Variants in EDNRB observed in about 807,000 individuals in gnomAD.
EDNRB encodes the protein endothelin receptor type B, also known as Hirschsprung disease 2.
EDNRB carries 18 observed loss-of-function variants against 46.4 expected under a neutral mutation model. The observed-to-expected ratio is 0.39, with a 90% confidence interval of 0.27 to 0.57. The LOEUF is 0.57. Ranked by LOEUF, EDNRB falls within the 20% of genes least tolerant of loss-of-function variation. The probability of loss-of-function intolerance (pLI) is 0.61; values close to 1 mark genes in which losing one functional copy is unlikely to be tolerated. For missense variants in EDNRB, 434 were observed against 537.5 expected, an observed-to-expected ratio of 0.81 and a Z score of 1.90; for synonymous variants, 213 against 204.9, an observed-to-expected ratio of 1.04 and a Z score of -0.34.
In EDNRB at chr13:77,905,115, A is replaced by G. The variant is rs573640569; in HGVS notation, c.484-1508T>C. ...TTAATGTAGGATCCTGAAGACCTAC[A>G]GGGCCAGGCAGGTAACACAGAGAAG... On this transcript the variant is annotated intron_variant, in intron 1 of 6. Transcript: ENST00000646607. Among the ~76,000 whole-genome samples, 72 of 152,068 alleles carry G rather than the reference A, an allele frequency of 4.7e-4. No individual in the cohort carries two copies. The Middle Eastern group carries it at 0.014, about 29-fold the overall frequency.
chr13:77,919,177 C>G, upstream of EDNRB: 2 of 586,618 alleles, frequency 3.4e-6, no homozygotes, highest in East Asian at 3.2e-5. Flanking sequence ...ATTCGGAAAC[C>G]CGCAGAGACT....
chr13:77,900,336 C>T (rs1329270017), intron 5 of EDNRB, among the ~76,000 whole-genome samples, 185 bp downstream of exon 5: 2 of 151,898 alleles, frequency 1.3e-5, no homozygotes, highest in Non-Finnish European at 2.9e-5. Flanking sequence ...TCTCTGTACC[C>T]AGTGTTCTTC....
chr13:77,926,870 G>A (rs948753870), intron 1 of EDNRB, among the ~76,000 whole-genome samples: 2 of 152,156 alleles, frequency 1.3e-5, no homozygotes, highest in Non-Finnish European at 2.9e-5. Context: ...TCAGAATCAG[G>A]GCAGGAGGCG....
chr13:77,937,634 G>T (rs980560834), intron 1 of EDNRB, among the ~76,000 whole-genome samples: 6 of 152,302 alleles, frequency 3.9e-5, no homozygotes, highest in Admixed American at 3.3e-4. Flanking sequence ...GGGCAGGTGG[G>T]GGAAGAGCTA....
chr13:77,911,304 C>T (rs1879558030), intron 1 of EDNRB, among the ~76,000 whole-genome samples: 1 of 152,068 alleles, frequency 6.6e-6, no homozygotes, highest in Admixed American at 6.6e-5. Flanking sequence ...TAAGTAACTT[C>T]ATGCCATACC....
At chr13:77,914,863 C>T (rs1273619301) in intron 1 of EDNRB, among the ~76,000 whole-genome samples, 1 of 152,180 alleles carries the variant, frequency 6.6e-6, no homozygotes, top group Non-Finnish European at 1.5e-5. Flanking sequence ...GTCAACTTTA[C>T]TGAACTCTAT....
intron 1 of EDNRB, chr13:77,939,636 C>G (rs1594386562): frequency 6.6e-6 from 1 of 152,186 alleles, no homozygotes; most frequent in South Asian, 2.1e-4. Context: ...ATTGTAAGCA[C>G]TCAACGAAAA....
intron 1 of EDNRB, among the ~76,000 whole-genome samples, chr13:77,953,661 G>A (rs1303444262): frequency 1.3e-5 from 2 of 152,194 alleles, no homozygotes; most frequent in African/African-American, 4.8e-5. Context: ...AATAGCATAT[G>A]TGTGTTTGAA....
At chr13:77,966,082 T>A (rs1881572372) in intron 1 of EDNRB, among the ~76,000 whole-genome samples, 1 of 151,996 alleles carries the variant, frequency 6.6e-6, no homozygotes, top group South Asian at 2.1e-4. Flanking sequence ...AGAGATAGAG[T>A]CTTGCTATGT....
intron 1 of EDNRB, among the ~76,000 whole-genome samples, chr13:77,973,384 A>G (rs1237970609): frequency 6.6e-6 from 1 of 152,198 alleles, no homozygotes; most frequent in Non-Finnish European, 1.5e-5. Context: ...CTATAAGGTA[A>G]GATTTTATAG....
At position 77,918,480 on chromosome 13, in the gene EDNRB, G is replaced by A. The variant is rs200723251; in HGVS notation, c.94C>T (p.Pro32Ser). 1.2e-5 allele frequency: 18 copies of A among 1,562,702 alleles called. No individual in the cohort carries two copies. The highest frequency in any genetic ancestry group is 1.9e-5 in the Admixed American group (1 of 51,416). The change falls in exon 1 of 7, where the codon CCG becomes TCG. Residue 32 changes from proline to serine, a missense_variant. Physicochemically the swap from Pro to Ser is moderately conservative, Grantham distance 74 (BLOSUM62 -1). Transcript: ENST00000646607. This position sits in a 1 kb window ranked among gnomAD's most constrained non-coding sequence, Gnocchi z 4.5. ...AAAAGCGGAGTGGCCCTGTCAGGCG[G>A]GAAGCCTCTCTCCTCTCCCCAGATC... is the stretch of plus-strand genomic sequence containing the variant. The part of the protein sequence containing the change: ...SRIWGEERGF[P>S]PDRATPLLQT...
At chr13:77,919,288 A>G, upstream of EDNRB, 4 of 1,206,470 alleles carry the variant, frequency 3.3e-6, no homozygotes, top group Non-Finnish European at 3.4e-6. Context: ...TGCCCTCTCT[A>G]TAGGCTTAAT....
intron 1 of EDNRB, among the ~76,000 whole-genome samples, chr13:77,954,928 T>C (rs1201744218): frequency 1.3e-5 from 2 of 152,190 alleles, no homozygotes; most frequent in Non-Finnish European, 2.9e-5. Flanking sequence ...GCAATGAACA[T>C]AAAAATGTAG....
intron 1 of EDNRB, among the ~76,000 whole-genome samples, chr13:77,968,756 TACTC>T (rs1318680838): frequency 6.6e-6 from 1 of 152,192 alleles, no homozygotes; most frequent in Non-Finnish European, 1.5e-5. Flanking sequence ...TTTCAAATCA[TACTC>T]ACGTCTTCTG....
chr13:77,920,194 T>C (rs1880035398), upstream of EDNRB, among the ~76,000 whole-genome samples: 1 of 152,216 alleles, frequency 6.6e-6, no homozygotes, highest in African/African-American at 2.4e-5. Context: ...TTGATGCTTA[T>C]CGGAGACATG....
intron 1 of EDNRB, among the ~76,000 whole-genome samples, chr13:77,959,734 T>C (rs1412109636): frequency 6.6e-6 from 1 of 152,150 alleles, no homozygotes; most frequent in Non-Finnish European, 1.5e-5. Flanking sequence ...ATGATCAAAC[T>C]TCTCCGAGCT....
In EDNRB at chr13:77,946,575, A is replaced by G. The variant is rs1026600523; in HGVS notation, c.-51-27951T>C. Among the ~76,000 whole-genome samples, 146 of 152,292 alleles carry G rather than the reference A, an allele frequency of 9.6e-4. 2 individuals carry two copies. Among genetic ancestry groups the G allele is most frequent in the Non-Finnish European group, 3.4e-4 (23 of 68,022 alleles). On this transcript the variant is annotated intron_variant, in intron 1 of 7. Transcript: ENST00000646948. The stretch of plus-strand genomic sequence containing the variant: ...TGCCTTTTCTATTATAAGAGAAAAA[A>G]AAACCCATTTCCAGTGATTTCAACT...
Position 77,897,732 on chromosome 13 carries a change from A to C in EDNRB, c.*468T>G. 4.1e-6 allele frequency: 4 copies of C among 987,086 alleles called. No homozygotes were observed. Among genetic ancestry groups the C allele is most frequent in the Non-Finnish European group, 4.8e-6 (4 of 829,554 alleles). The allele number at this position is 987,086 out of a possible 1,614,324, so 61.1% of individuals were successfully genotyped here. On this transcript the variant is annotated 3_prime_UTR_variant, in exon 7 of 7. Coordinates refer to ENST00000646607, the MANE Select transcript of EDNRB (RefSeq NM_001122659.3). ...ATCTGATAATAGTGTGATAATATTA[A>C]TTGAAAAGTTGTTTTAAAGGATTTT...
At chr13:77,938,623 C>A (rs1880639850) in intron 1 of EDNRB, among the ~76,000 whole-genome samples, 2 of 152,118 alleles carry the variant, frequency 1.3e-5, no homozygotes, top group East Asian at 1.9e-4. Context: ...TGATTAAACA[C>A]CAAGGGAAGG....
Sources: gnomAD v4.1 joint callset for allele counts (sites outside exome capture counted in the v4.1 genomes callset) on GRCh38, gnomAD v4.1.1 for gene constraint, Gnocchi (gnomAD v3.1) non-coding constraint, MANE v1.5 for transcripts, NCBI Gene and HGNC (gene_info 2026-07-23, HGNC 2026-07-21) for gene names.